Variants in DCC observed in about 807,000 individuals in gnomAD.
DCC encodes the protein netrin receptor DCC.
DCC carries 58 observed loss-of-function variants against 172.5 expected under a neutral mutation model. The observed-to-expected ratio is 0.34, with a 90% confidence interval of 0.27 to 0.42. DCC has a LOEUF of 0.42. Among genes scored for constraint, DCC ranks in the 10% least tolerant of loss-of-function variants. The probability of loss-of-function intolerance (pLI) is 1.00; values close to 1 mark genes in which losing one functional copy is unlikely to be tolerated. For missense variants in DCC, 1,740 were observed against 1,791.0 expected (o/e 0.97, Z 0.51); for synonymous variants, 709 against 644.5 (o/e 1.10, Z -1.52).
At chr18:53,413,352 A>G (rs1308865177) in intron 20 of DCC, among the ~76,000 whole-genome samples, 1 of 152,240 alleles carries the variant, frequency 6.6e-6, no homozygotes, top group African/African-American at 2.4e-5. Flanking sequence ...CTAGTCGTCA[A>G]ATTCTTTTAT....
intron 16 of DCC, among the ~76,000 whole-genome samples, chr18:53,387,517 A>G (rs1044100594): frequency 5.9e-5 from 9 of 152,212 alleles, no homozygotes; most frequent in Admixed American, 5.9e-4. Flanking sequence ...TAAAAGAGTA[A>G]ATAATTACCC....
At chr18:52,819,151 T>C (rs1216468816) in intron 2 of DCC, among the ~76,000 whole-genome samples, 1 of 152,136 alleles carries the variant, frequency 6.6e-6, no homozygotes, top group Non-Finnish European at 1.5e-5. Context: ...AGTGCTGTGT[T>C]GTGTGGGTCA....
intron 15 of DCC, among the ~76,000 whole-genome samples, chr18:53,384,436 C>G (rs140059256): frequency 1.4e-4 from 22 of 151,832 alleles, no homozygotes; most frequent in Middle Eastern, 3.5e-3. Flanking sequence ...TTGGATTTTC[C>G]TCATCAAGGA....
chr18:53,200,721 C>T (rs1469754027), intron 9 of DCC, among the ~76,000 whole-genome samples: 2 of 152,052 alleles, frequency 1.3e-5, no homozygotes, highest in African/African-American at 4.8e-5. Context: ...TATCTGTTTC[C>T]CAGAAGTTTC....
chr18:53,309,920 G>A (rs7232249), intron 13 of DCC, among the ~76,000 whole-genome samples: 72 of 99,614 alleles, frequency 7.2e-4, no homozygotes, highest in African/African-American at 2.8e-3. Flanking sequence ...ATATATGTGC[G>A]TGTATATATA....
In DCC at chr18:53,397,435, C is replaced by T. The variant is rs1446621634; in HGVS notation, c.2816C>T (p.Thr939Met). ...TGGAGCATGACTGCACATGCCACCA[C>T]GTATGAAGCAGGTATGTGAGGAAAT... ...STWSMTAHATTYEAAPTSAPK... is the reference protein window; with the variant it reads ...STWSMTAHATMYEAAPTSAPK... The change falls in exon 18 of 29, where the codon ACG becomes ATG. Residue 939 changes from threonine (T) to methionine (M), a missense_variant. Physicochemically the swap from Thr to Met is moderately conservative, Grantham distance 81. Transcript: ENST00000442544. 1 of 1,613,934 alleles carries T rather than the reference C, an allele frequency of 6.2e-7. No individual in the cohort carries two copies. Among genetic ancestry groups the T allele is most frequent in the Non-Finnish European group, 8.5e-7 (1 of 1,179,914 alleles).
chr18:52,788,804 C>A (rs189152528), intron 2 of DCC, among the ~76,000 whole-genome samples: 61 of 152,164 alleles, frequency 4.0e-4, no homozygotes, highest in African/African-American at 1.4e-3. Context: ...CAAAGACAGA[C>A]CCCCCAAAAA....
At chr18:52,905,114 T>G (rs2039862300) in intron 2 of DCC, among the ~76,000 whole-genome samples, 1 of 152,152 alleles carries the variant, frequency 6.6e-6, no homozygotes, top group Admixed American at 6.5e-5. Flanking sequence ...TATGCTTGTA[T>G]GCATGGTGAT....
At chr18:53,108,532 T>G (rs1183606245) in intron 7 of DCC, among the ~76,000 whole-genome samples, 2 of 151,796 alleles carry the variant, frequency 1.3e-5, no homozygotes, top group Non-Finnish European at 2.9e-5. Context: ...TTACAAATTT[T>G]GCGTATGTAC....
rs556183447 is a variant in DCC, at chr18:53,031,858, GTGTA to G, written c.986-31443_986-31440del. On this transcript the variant is annotated intron_variant, in intron 5 of 28. Transcript: ENST00000442544. The stretch of plus-strand genomic sequence containing the variant: ...AAAATCATTTTATAGATGTGGGAGT[GTGTA>G]TGTGTGTGTGTGTGCATTGTATGTA... 7.9e-5 allele frequency among the ~76,000 whole-genome samples: 12 copies of G among 152,186 alleles called. No individual in the cohort carries two copies. The South Asian group carries it at 1.5e-3, about 18-fold the overall frequency.
At chr18:52,833,047 A>C (rs1376227055) in intron 2 of DCC, among the ~76,000 whole-genome samples, 1 of 152,136 alleles carries the variant, frequency 6.6e-6, no homozygotes. Context: ...GGGTTTTGCC[A>C]TCAAAGAGGA....
intron 2 of DCC, among the ~76,000 whole-genome samples, chr18:52,781,381 G>C (rs1946883507): frequency 6.7e-6 from 1 of 149,302 alleles, no homozygotes; most frequent in Admixed American, 6.7e-5. Context: ...AGCATTCTCC[G>C]AGCTCCAACA....
At chr18:53,256,466 G>A (rs187907313) in intron 12 of DCC, among the ~76,000 whole-genome samples, 37 of 152,014 alleles carry the variant, frequency 2.4e-4, no homozygotes, top group Admixed American at 2.3e-3. Flanking sequence ...TTATTAAATA[G>A]GGAATCCTTT....
At chr18:52,963,113 TAAAA>T (rs1163037145) in intron 5 of DCC, among the ~76,000 whole-genome samples, 1 of 151,218 alleles carries the variant, frequency 6.6e-6, no homozygotes, top group Non-Finnish European at 1.5e-5. Context: ...ATAATAAAAT[TAAAA>T]AAATAAAAAA....
At chr18:52,728,425 T>C (rs1194438258) in intron 1 of DCC, among the ~76,000 whole-genome samples, 1 of 152,186 alleles carries the variant, frequency 6.6e-6, no homozygotes, top group Non-Finnish European at 1.5e-5. Context: ...GCTCCATCTC[T>C]TAGGGCAAAG....
rs369827349 is a variant in DCC, at chr18:53,136,839, A to G, written c.1262-20517A>G. Among the ~76,000 whole-genome samples the G allele has an allele frequency of 5.9e-5, 9 of 152,218 alleles. No individual in the cohort carries two copies. The East Asian group carries it at 1.2e-3, about 20-fold the overall frequency. On this transcript the variant is annotated intron_variant, in intron 7 of 28. Coordinates refer to ENST00000442544, the MANE Select transcript of DCC (RefSeq NM_005215.4). ...TTTGAACACTATTTGGAGAATTACC[A>G]CAAATTTTCCATGTTTCTAATAATA...
intron 22 of DCC, among the ~76,000 whole-genome samples, chr18:53,446,098 C>CAAAAAAAAAAAAAAAAAAAAAAAA: frequency 3.1e-5 from 1 of 32,276 alleles, no homozygotes; most frequent in Non-Finnish European, 1.1e-4. Flanking sequence ...CCTGTCTCTA[C>CAAAAAAAAAAAAAAAAAAAAAAAA]AAAAAAAAAA....
Position 52,976,857 on chromosome 18 carries a change from G to A in DCC, c.985+51487G>A, listed in dbSNP as rs910280621. Among the ~76,000 whole-genome samples, 9 of 152,170 alleles carry A rather than the reference G, an allele frequency of 5.9e-5. No individual in the cohort carries two copies. In the East Asian group the frequency reaches 1.7e-3, roughly 29 times the overall value. On this transcript the variant is annotated intron_variant, in intron 5 of 28. Transcript: ENST00000442544. ...AGAGAGCTTACCTCTGCATCTATTT[G>A]TGAAGGGTACACAGTTCTTCAAATG...
At chr18:52,584,710 T>C (rs1377097262) in intron 1 of DCC, among the ~76,000 whole-genome samples, 3 of 151,988 alleles carry the variant, frequency 2.0e-5, no homozygotes, top group Non-Finnish European at 4.4e-5. Context: ...CAGATAATTT[T>C]TTTTTTTTTT....
Sources: allele counts gnomAD v4.1 joint callset (sites outside exome capture counted in the v4.1 genomes callset), GRCh38; gene constraint gnomAD v4.1.1; transcripts MANE v1.5; gene names NCBI Gene and HGNC (gene_info 2026-07-23, HGNC 2026-07-21).